CNTN5: variants seen among roughly 807,000 people sequenced by gnomAD.
CNTN5 encodes contactin-5.
In CNTN5, 77 loss-of-function variants were observed where a neutral mutation model predicts 129.1. That is an observed-to-expected ratio of 0.60 (90% CI 0.50 to 0.72). The LOEUF is 0.72. Ranked by LOEUF, CNTN5 falls within the 30% of genes least tolerant of loss-of-function variation. CNTN5 has a pLI of 0.00. For missense variants in CNTN5, 1,478 were observed against 1,328.8 expected, an observed-to-expected ratio of 1.11 and a Z score of -1.75; for synonymous variants, 509 against 465.6, an observed-to-expected ratio of 1.09 and a Z score of -1.20.
At chr11:99,553,646 G>A (rs183265937) in intron 2 of CNTN5, among the ~76,000 whole-genome samples, 46 of 151,990 alleles carry the variant, frequency 3.0e-4, no homozygotes, top group African/African-American at 1.1e-3. Context: ...TGATACGTAA[G>A]TGAGGTGATG....
intron 3 of CNTN5, among the ~76,000 whole-genome samples, chr11:99,649,207 G>A (rs1368236166): frequency 6.6e-6 from 1 of 151,584 alleles, no homozygotes; most frequent in Non-Finnish European, 1.5e-5. Context: ...TTGAAAAATA[G>A]TCTTGCTAAT....
intron 12 of CNTN5, among the ~76,000 whole-genome samples, chr11:100,072,637 T>C (rs183868406): frequency 8.8e-4 from 134 of 152,270 alleles, no homozygotes; most frequent in African/African-American, 3.1e-3. Context: ...TCTCAAAGCA[T>C]AACTTAAGAG....
chr11:99,239,091 T>G (rs1181713948), intron 1 of CNTN5, among the ~76,000 whole-genome samples: 2 of 152,138 alleles, frequency 1.3e-5, no homozygotes, highest in East Asian at 3.9e-4. Context: ...AACAGTACTG[T>G]AAAAATTAAT....
At chr11:100,354,735 G>T (rs1018790244) in intron 24 of CNTN5, among the ~76,000 whole-genome samples, 11 of 151,606 alleles carry the variant, frequency 7.3e-5, no homozygotes, top group Non-Finnish European at 1.3e-4. Flanking sequence ...AAGGCATATG[G>T]TATAGCCTAT....
chr11:99,785,041 C>CGCCTGCCTCT (rs1160977704), intron 3 of CNTN5, among the ~76,000 whole-genome samples: 1 of 147,070 alleles, frequency 6.8e-6, no homozygotes, highest in Non-Finnish European at 1.5e-5. Flanking sequence ...CCTCGTGATC[C>CGCCTGCCTCT]GCCTGCCTCC....
intron 13 of CNTN5, among the ~76,000 whole-genome samples, chr11:100,095,774 CAATT>C (rs1283301699): frequency 2.6e-5 from 4 of 152,130 alleles, no homozygotes; most frequent in Admixed American, 6.6e-5. Flanking sequence ...GGAGAGAAAA[CAATT>C]AAAGAAAATA....
intron 4 of CNTN5, among the ~76,000 whole-genome samples, chr11:99,822,891 A>G (rs1946844286): frequency 1.3e-5 from 2 of 152,220 alleles, no homozygotes; most frequent in South Asian, 4.1e-4. Context: ...ACTGGCTTCC[A>G]TCTTGTTTGT....
At chr11:99,975,839 C>T (rs1937918209) in intron 8 of CNTN5, among the ~76,000 whole-genome samples, 1 of 152,162 alleles carries the variant, frequency 6.6e-6, no homozygotes, top group Admixed American at 6.5e-5. Flanking sequence ...TCATGTCCTT[C>T]CACATTTCAA....
rs540178056 is a variant in CNTN5, at chr11:100,270,059, TTTTG to T, written c.2165-1021_2165-1018del. Reference sequence around the variant, plus strand: ...TGCAGCAAGAGGGAACAGAGTTGTTTTTTGTTTGTTTGTTTTTTTCCATGTCTTC... The same window carrying T: ...TGCAGCAAGAGGGAACAGAGTTGTTTTTTGTTTGTTTTTTTCCATGTCTTC... On this transcript the variant is annotated intron_variant, in intron 17 of 24. Transcript: ENST00000524871. Among the ~76,000 whole-genome samples the T allele has an allele frequency of 1.3e-3, 195 of 152,214 alleles. 4 individuals carry two copies. The South Asian group carries it at 0.038, about 30-fold the overall frequency.
At position 100,184,673 on chromosome 11, in the gene CNTN5, C is replaced by A. The variant is rs1220895397; in HGVS notation, c.1581-6453C>A. On this transcript the variant is annotated intron_variant, in intron 13 of 24. Transcript: ENST00000524871. Reference sequence around the variant, plus strand: ...GAAAATCCAATTAAGCCCACCCCCCCAGACTTCTAACCAAAAGAATAAATG... The same window carrying A: ...GAAAATCCAATTAAGCCCACCCCCCAAGACTTCTAACCAAAAGAATAAATG... Among the ~76,000 whole-genome samples, 5 of 152,146 alleles carry A rather than the reference C, an allele frequency of 3.3e-5. No homozygotes were observed. The South Asian group carries it at 6.2e-4, about 19-fold the overall frequency.
At chr11:99,421,459 A>G (rs1942885308) in intron 2 of CNTN5, among the ~76,000 whole-genome samples, 2 of 152,144 alleles carry the variant, frequency 1.3e-5, no homozygotes, top group African/African-American at 4.8e-5. Context: ...GATTAAAATC[A>G]TTTGCTCTTC....
intron 3 of CNTN5, among the ~76,000 whole-genome samples, chr11:99,736,044 C>G (rs924930468): frequency 2.0e-5 from 3 of 151,784 alleles, no homozygotes; most frequent in African/African-American, 7.3e-5. Context: ...TTTTCTTTCT[C>G]TTTCTCTGTC....
At chr11:99,057,891 T>C (rs1864695493) in intron 1 of CNTN5, among the ~76,000 whole-genome samples, 1 of 151,744 alleles carries the variant, frequency 6.6e-6, no homozygotes. Flanking sequence ...GTTGAAATTT[T>C]ATCTAGAGTT....
chr11:100,277,056 T>C (rs1950528882), intron 18 of CNTN5, among the ~76,000 whole-genome samples: 1 of 152,128 alleles, frequency 6.6e-6, no homozygotes, highest in Non-Finnish European at 1.5e-5. Context: ...CTCTTACCAA[T>C]GAGTGAGAAC....
chr11:99,168,695 A>C (rs547131052), intron 1 of CNTN5, among the ~76,000 whole-genome samples: 8 of 152,360 alleles, frequency 5.3e-5, no homozygotes, highest in South Asian at 4.1e-4. Flanking sequence ...TTTTTCACTG[A>C]ATTATCACAG....
intron 3 of CNTN5, among the ~76,000 whole-genome samples, chr11:99,664,282 C>T (rs533313504): frequency 2.0e-5 from 3 of 152,178 alleles, no homozygotes; most frequent in East Asian, 3.9e-4. Context: ...TTGTGCTGCC[C>T]GAGTTCCCAC....
chr11:99,180,913 T>C (rs188871285), intron 1 of CNTN5, among the ~76,000 whole-genome samples: 1 of 152,332 alleles, frequency 6.6e-6, no homozygotes, highest in Non-Finnish European at 1.5e-5. Flanking sequence ...CTCCTTGGGC[T>C]GCGGTACGCA....
chr11:99,642,789 C>G (rs4754637), intron 3 of CNTN5, among the ~76,000 whole-genome samples: 2 of 151,930 alleles, frequency 1.3e-5, no homozygotes, highest in Non-Finnish European at 2.9e-5. Context: ...AACCACTGCT[C>G]TACTCTGCCT....
chr11:99,841,833 TATAC>T (rs1947507901), intron 4 of CNTN5, among the ~76,000 whole-genome samples: 3 of 142,402 alleles, frequency 2.1e-5, no homozygotes, highest in Admixed American at 7.1e-5. Flanking sequence ...TGTATATATA[TATAC>T]ACACACACAC....
Sources: gnomAD v4.1 joint callset for allele counts (sites outside exome capture counted in the v4.1 genomes callset) on GRCh38, gnomAD v4.1.1 for gene constraint, MANE v1.5 for transcripts, NCBI Gene and HGNC (gene_info 2026-07-23, HGNC 2026-07-21) for gene names.